The following LRBA variants were observed in gnomAD, a reference collection of about 807,000 sequenced individuals.
LRBA encodes the protein lipopolysaccharide-responsive and beige-like anchor protein.
LRBA carries 176 observed loss-of-function variants against 330.0 expected under a neutral mutation model. The ratio of observed to expected loss-of-function variants is 0.53; its 90% CI spans 0.47 to 0.60. The LOEUF is 0.60. LRBA is among the 20% of genes least tolerant of loss of function. LRBA has a pLI of 0.00. For missense variants in LRBA, 3,259 were observed against 3,444.8 expected, an observed-to-expected ratio of 0.95 and a Z score of 1.35; for synonymous variants, 1,230 against 1,193.0, an observed-to-expected ratio of 1.03 and a Z score of -0.64.
intron 30 of LRBA, 33 bp downstream of exon 30, chr4:150,828,147 A>C: frequency 6.3e-7 from 1 of 1,599,186 alleles, no homozygotes; most frequent in Non-Finnish European, 8.5e-7. Flanking sequence ...TCAGATGTAG[A>C]AACATACCAA....
At chr4:150,267,455 C>T (rs984451426) in intron 56 of LRBA, among the ~76,000 whole-genome samples, 1 of 151,842 alleles carries the variant, frequency 6.6e-6, no homozygotes, top group African/African-American at 2.4e-5. Flanking sequence ...ACATAAGAGA[C>T]ATCAGAAAAT....
chr4:150,978,895 A>G (rs1215722225), intron 2 of LRBA, among the ~76,000 whole-genome samples: 1 of 152,172 alleles, frequency 6.6e-6, no homozygotes, highest in Non-Finnish European at 1.5e-5. Flanking sequence ...AGATCTAGAA[A>G]ACAGCCTCAA....
chr4:150,953,880 C>T (rs1167712423), intron 2 of LRBA, among the ~76,000 whole-genome samples: 8 of 149,738 alleles, frequency 5.3e-5, no homozygotes, highest in Non-Finnish European at 7.4e-5. Context: ...AAGTGAGGAG[C>T]GCCTCTTCCC....
chr4:150,501,360 C>G (rs1472323440), intron 40 of LRBA, among the ~76,000 whole-genome samples: 1 of 152,122 alleles, frequency 6.6e-6, no homozygotes, highest in Non-Finnish European at 1.5e-5. Context: ...GTCTGTAATA[C>G]CAGCACTTTG....
chr4:150,856,395 C>T (rs1751237047), intron 22 of LRBA, among the ~76,000 whole-genome samples: 1 of 152,092 alleles, frequency 6.6e-6, no homozygotes, highest in Non-Finnish European at 1.5e-5. Context: ...TCTTATATTT[C>T]ATTTCTTCCT....
At chr4:150,581,479 G>T in intron 40 of LRBA, 1 of 283,490 alleles carries the variant, frequency 3.5e-6, no homozygotes, top group Non-Finnish European at 7.1e-6. Context: ...CTTCCCATTT[G>T]CCTTCAAGCC....
rs867436941 is a variant in LRBA, at chr4:150,908,791, C to T, written c.1228G>A (p.Asp410Asn). 8 of 1,613,682 alleles carry T rather than the reference C, an allele frequency of 5.0e-6. No homozygotes were observed. The highest frequency in any genetic ancestry group is 6.8e-6 in the Non-Finnish European group (8 of 1,179,816). ...GCAATGGCACTAGAGAGTTTCCCAT[C>T]GTACAATAAAAGTTTGTGATGCTCA... is the stretch of plus-strand genomic sequence containing the variant. ...LAEHHKLLLY[D>N]GKLSSAIAFT... The change falls in exon 10 of 57, where the codon GAT (aspartate) becomes AAT (asparagine). Residue 410 changes from aspartate to asparagine, a missense_variant. Asp to Asn is a conservative substitution (Grantham distance 23). Transcript: ENST00000651943.
rs1164639205 is a variant in LRBA, at chr4:150,321,225, C to A, written c.7596G>T (p.Arg2532Ser). ...TGTGCCATTTGTTCACCGCAAATAA[C>A]CTGTTAGCAGTGACTGTGATCACAG... Reference protein sequence around the residue: ...TPAVITVTANRLFAVNKWHNL... With the variant: ...TPAVITVTANSLFAVNKWHNL... Residue 2532 changes from arginine to serine, a missense_variant, in exon 50 of 57, where the codon AGG becomes AGT. By Grantham distance (110) the Arg-to-Ser change is moderately radical. Coordinates refer to ENST00000651943, the MANE Select transcript of LRBA (RefSeq NM_001364905.1). This position sits in a 1 kb window ranked among gnomAD's most constrained non-coding sequence, Gnocchi z 4.5. 6.2e-7 allele frequency: 1 copy of A among 1,609,298 alleles called. No homozygotes were observed. The highest frequency in any genetic ancestry group is 1.7e-5 in the Admixed American group (1 of 58,706).
In LRBA at chr4:150,790,890, A is replaced by G. The variant is rs556963592; in HGVS notation, c.5580+7191T>C. ...AAGCAAAACAATATGAGTGTATTAG[A>G]AGCCTACCCTATTGATTCTCATTCC... On this transcript the variant is annotated intron_variant, in intron 34 of 56. Coordinates refer to ENST00000651943, the MANE Select transcript of LRBA (RefSeq NM_001364905.1). Among the ~76,000 whole-genome samples, 9 of 152,346 alleles carry G rather than the reference A, an allele frequency of 5.9e-5. No homozygotes were observed. The East Asian group carries it at 1.7e-3, about 29-fold the overall frequency.
intron 37 of LRBA, among the ~76,000 whole-genome samples, chr4:150,626,312 A>G (rs1251758751): frequency 6.6e-6 from 1 of 152,224 alleles, no homozygotes; most frequent in Admixed American, 6.5e-5. Context: ...GTTAAACCTC[A>G]TAACATATAT....
Position 150,777,270 on chromosome 4 carries a change from T to C in LRBA, c.5581-15423A>G, listed in dbSNP as rs528507065. ...CACTGCACCGGATCTAAATTCAATA[T>C]TGTAACCTACCAAATGGAATTTGAG... On this transcript the variant is annotated intron_variant, in intron 34 of 56. Transcript: ENST00000651943. Among the ~76,000 whole-genome samples, 133 of 152,198 alleles carry C rather than the reference T, an allele frequency of 8.7e-4. No homozygotes were observed. The Middle Eastern group carries it at 0.01, about 12-fold the overall frequency.
At chr4:150,963,194 C>T (rs549906385) in intron 2 of LRBA, among the ~76,000 whole-genome samples, 2 of 148,158 alleles carry the variant, frequency 1.3e-5, no homozygotes, top group Admixed American at 6.6e-5. Context: ...CCCCTTTGCA[C>T]GGTCCTCGTC....
intron 28 of LRBA, among the ~76,000 whole-genome samples, chr4:150,834,319 C>T (rs1441384032): frequency 3.9e-5 from 6 of 152,156 alleles, no homozygotes; most frequent in Non-Finnish European, 8.8e-5. Context: ...TCTATAGCAG[C>T]TACAGCCTGA....
At position 150,929,074 on chromosome 4, in the gene LRBA, GA is replaced by G. The variant is rs766044503; in HGVS notation, c.217-10del. The stretch of plus-strand genomic sequence containing the variant: ...AACTGTCCTCCTACCAACTTACAAG[GA>G]AAAAAAAAAAACACATTAAAAGCAT... On this transcript the variant is annotated splice_polypyrimidine_tract_variant and intron_variant, in intron 2 of 56. Coordinates refer to ENST00000651943, the MANE Select transcript of LRBA (RefSeq NM_001364905.1). 0.033 allele frequency: 37,387 copies of G among 1,119,300 alleles called. No individual in the cohort carries two copies. Among genetic ancestry groups the G allele is most frequent in the South Asian group, 0.052 (2,997 of 57,550 alleles). 69.3% of individuals were successfully genotyped at this position (1,119,300 alleles called of 1,614,324 possible). A position where few individuals can be genotyped will look rare whatever the true frequency, so the allele number is the denominator to read the frequency against.
chr4:150,739,843 A>G (rs955015630), intron 35 of LRBA, among the ~76,000 whole-genome samples: 2 of 152,192 alleles, frequency 1.3e-5, no homozygotes, highest in Non-Finnish European at 2.9e-5. Context: ...CAACAATCAC[A>G]TGATCATGGA....
chr4:150,746,238 G>T (rs1732703330), intron 35 of LRBA, among the ~76,000 whole-genome samples: 2 of 152,118 alleles, frequency 1.3e-5, no homozygotes, highest in African/African-American at 4.8e-5. Context: ...TATAATACTT[G>T]TATATTTTAC....
At chr4:150,267,583 T>G (rs1019160651) in intron 56 of LRBA, among the ~76,000 whole-genome samples, 1 of 152,046 alleles carries the variant, frequency 6.6e-6, no homozygotes, top group African/African-American at 2.4e-5. Flanking sequence ...CTCAAATCAA[T>G]AACCTAACTT....
At chr4:150,896,799 T>G (rs1032339229) in intron 15 of LRBA, among the ~76,000 whole-genome samples, 1 of 152,112 alleles carries the variant, frequency 6.6e-6, no homozygotes, top group East Asian at 1.9e-4. Flanking sequence ...AGAAGACATC[T>G]TTTCGACTGA....
chr4:150,843,026 T>C (rs1441272251), intron 28 of LRBA, among the ~76,000 whole-genome samples: 7 of 152,164 alleles, frequency 4.6e-5, no homozygotes, highest in Non-Finnish European at 8.8e-5. Flanking sequence ...ACAATAGGGT[T>C]CGTGCTCCTA....
Sources: allele counts gnomAD v4.1 joint callset (sites outside exome capture counted in the v4.1 genomes callset), GRCh38; gene constraint gnomAD v4.1.1; non-coding constraint Gnocchi (gnomAD v3.1); transcripts MANE v1.5; gene names NCBI Gene and HGNC (gene_info 2026-07-23, HGNC 2026-07-21).